The following TTC14 variants were observed in gnomAD, a reference collection of about 807,000 sequenced individuals.
TTC14 encodes the protein tetratricopeptide repeat domain 14, also known as tetratricopeptide repeat protein 14.
In TTC14, 63 loss-of-function variants were observed where a neutral mutation model predicts 79.9. That is an observed-to-expected ratio of 0.79 (90% CI 0.64 to 0.97). The LOEUF is 0.97. Among genes scored for constraint, TTC14 ranks in the 50% least tolerant of loss-of-function variants. The pLI, the probability that TTC14 is intolerant of heterozygous loss-of-function variation, is 0.00. For missense variants in TTC14, 895 were observed against 894.0 expected (o/e 1.00, Z -0.01); for synonymous variants, 335 against 309.6 (o/e 1.08, Z -0.86).
Position 180,617,541 on chromosome 3 carries a change from G to A in TTC14, c.1936G>A (p.Gly646Ser), listed in dbSNP as rs761625606. 1.1e-5 allele frequency: 7 copies of A among 619,244 alleles called. No homozygotes were observed. The South Asian group carries it at 1.3e-4, about 11-fold the overall frequency. The allele number at this position is 619,244 out of a possible 1,614,324, so 38.4% of individuals were successfully genotyped here. A position where few individuals can be genotyped will look rare whatever the true frequency, so the allele number is the denominator to read the frequency against. The change falls in exon 13 of 13, where the codon GGT becomes AGT. Residue 646 changes from glycine (G) to serine (S), a missense_variant. By Grantham distance (56) the Gly-to-Ser change is moderately conservative. Transcript: ENST00000382584. ...ACAAGATATGGAGGTGGAAGACAGT[G>A]GTATTGATGATCCTGACCACGGGTA...
In TTC14 at chr3:180,611,117, T is replaced by A. The variant is rs1407064930; in HGVS notation, c.*575T>A. 1.0e-6 allele frequency: 1 copy of A among 985,114 alleles called. No individual in the cohort carries two copies. The highest frequency in any genetic ancestry group is 1.2e-6 in the Non-Finnish European group (1 of 829,824). The allele number at this position is 985,114 out of a possible 1,614,324, so 61.0% of individuals were successfully genotyped here. A position where few individuals can be genotyped will look rare whatever the true frequency, so the allele number is the denominator to read the frequency against. ...TAAAGCCCAATTTGATTAAAAGTGGTTTGTGAACAGTCATTGGCTTCCACC... is the reference window on the plus strand; with the variant it reads ...TAAAGCCCAATTTGATTAAAAGTGGATTGTGAACAGTCATTGGCTTCCACC... On this transcript the variant is annotated 3_prime_UTR_variant, in exon 12 of 12. Transcript: ENST00000296015.
In TTC14 at chr3:180,603,100, A is replaced by G. The variant is rs894853310; in HGVS notation, c.287-24A>G. ...ACGGAACTCAAAACTATCGTTAGTG[A>G]TTTTGTTAATTTTTTTTTTTTAGAT... is the stretch of plus-strand genomic sequence containing the variant. On this transcript the variant is annotated intron_variant, in intron 2 of 11. Transcript: ENST00000296015. 10 of 1,610,232 alleles carry G rather than the reference A, an allele frequency of 6.2e-6. No individual in the cohort carries two copies. In the African/African-American group the frequency reaches 8.1e-5, roughly 13 times the overall value.
At position 180,610,494 on chromosome 3, in the gene TTC14, T is replaced by C. The variant is rs752149935; in HGVS notation, c.2265T>C (p.Asn755=). 2 of 1,590,098 alleles carry C rather than the reference T, an allele frequency of 1.3e-6. No individual in the cohort carries two copies. The highest frequency in any genetic ancestry group is 4.5e-5 in the East Asian group (2 of 44,752). The change falls in exon 12 of 12, where the codon AAT becomes AAC. Residue 755 remains asparagine, a synonymous_variant. Transcript: ENST00000296015. ...NLPQNLLNIF[N]QIAEFEKEKG... is the part of the protein sequence containing the mutation. ...CTCAGAATTTACTGAATATATTTAA[T>C]CAGATAGCTGAATTTGAAAAAGAAA...
chr3:180,603,520 T>A (rs947775927), intron 3 of TTC14, 197 bp downstream of exon 3: 16 of 570,532 alleles, frequency 2.8e-5, no homozygotes, highest in African/African-American at 2.6e-4. Context: ...GTTTTTGGGA[T>A]TTTTTAAATT....
At chr3:180,615,079 T>C (rs1304933764), downstream of TTC14, 1 of 1,520,144 alleles carries the variant, frequency 6.6e-7, no homozygotes, top group Non-Finnish European at 8.8e-7. Flanking sequence ...CTAGATGACC[T>C]AGAAGAAAAA....
In TTC14 at chr3:180,610,135, A is replaced by C. The variant is rs1354713108; in HGVS notation, c.1906A>C (p.Asn636His). 6.2e-7 allele frequency: 1 copy of C among 1,612,850 alleles called. No individual in the cohort carries two copies. Reference protein sequence around the residue: ...RRNSSDSFCRNSEDKIYGYRR... With the variant: ...RRNSSDSFCRHSEDKIYGYRR... ...AAATTCCTCAGATTCCTTCTGTAGG[A>C]ATTCAGAGGACAAGATTTATGGTTA... is the stretch of plus-strand genomic sequence containing the variant. Residue 636 changes from asparagine to histidine, a missense_variant, in exon 12 of 12, where the codon AAT (asparagine) becomes CAT (histidine). Asn to His is a moderately conservative substitution (Grantham distance 68). Coordinates refer to ENST00000296015, the MANE Select transcript of TTC14 (RefSeq NM_133462.4).
intron 12 of TTC14, chr3:180,616,977 A>C: frequency 8.0e-7 from 1 of 1,244,770 alleles, no homozygotes. Flanking sequence ...CTGTAGAAAA[A>C]ATATTAACAT....
intron 10 of TTC14, chr3:180,608,017 T>C (rs1262537484): frequency 8.4e-7 from 1 of 1,188,954 alleles, no homozygotes; most frequent in Non-Finnish European, 1.0e-6. Flanking sequence ...AATGTCCTTA[T>C]AGGGAGCTCA....
downstream of TTC14, among the ~76,000 whole-genome samples, chr3:180,612,440 C>T (rs960835331): frequency 3.3e-5 from 5 of 152,118 alleles, no homozygotes; most frequent in South Asian, 2.1e-4. Flanking sequence ...CCAGCATTGG[C>T]GTAGGCAGAA....
chr3:180,604,459 TC>T lies in TTC14; in HGVS notation c.572-18del. 1.3e-6 allele frequency: 2 copies of T among 1,569,152 alleles called. No homozygotes were observed. Among genetic ancestry groups the T allele is most frequent in the South Asian group, 1.2e-5 (1 of 83,884 alleles). On this transcript the variant is annotated intron_variant, in intron 4 of 11. Coordinates refer to ENST00000296015, the MANE Select transcript of TTC14 (RefSeq NM_133462.4). ...ATTTTCTTACTAATCAGCTTAGTTC[TC>T]TTTTTTTTTTTCTTAAGCTGGAATC...
intron 3 of TTC14, 43 bp downstream of exon 3, chr3:180,603,366 C>T (rs1485402292): frequency 7.9e-6 from 12 of 1,521,812 alleles, no homozygotes; most frequent in African/African-American, 4.1e-5. Flanking sequence ...TTTTTGTTAA[C>T]GCATCTCAAT....
Position 180,610,633 on chromosome 3 carries a change from GCTT to G in TTC14, c.*94_*96del. On this transcript the variant is annotated 3_prime_UTR_variant, in exon 12 of 12. Coordinates refer to ENST00000296015, the MANE Select transcript of TTC14 (RefSeq NM_133462.4). ...ATAACAGTTGAGTGCAGAAATCTCT[GCTT>G]CTAAAATTATTTGTAGAGATTACAG... The G allele has an allele frequency of 6.7e-7, 1 of 1,482,294 alleles. No homozygotes were observed. Among genetic ancestry groups the G allele is most frequent in the Admixed American group, 2.6e-5 (1 of 39,042 alleles). The allele number at this position is 1,482,294 out of a possible 1,614,324, so 91.8% of individuals were successfully genotyped here. A position where few individuals can be genotyped will look rare whatever the true frequency, so the allele number is the denominator to read the frequency against.
rs1017789462 is a variant in TTC14, at chr3:180,602,900, G to C, written c.171G>C (p.Lys57Asn). 4 of 1,606,664 alleles carry C rather than the reference G, an allele frequency of 2.5e-6. No homozygotes were observed. The highest frequency in any genetic ancestry group is 3.4e-6 in the Non-Finnish European group (4 of 1,178,250). The part of the protein sequence containing the change: ...PQHPLQGRKE[K>N]RVDNIEIQKF... ...TTTTTTTCTTTTTAAGAAAAGAGAA[G>C]AGAGTTGACAACATCGAGATACAGA... The change falls in exon 2 of 12, where the codon AAG (lysine) becomes AAC (asparagine). Residue 57 changes from lysine (K) to asparagine (N), a missense_variant. Physicochemically the swap from Lys to Asn is moderately conservative, Grantham distance 94 (BLOSUM62 0). Transcript: ENST00000296015.
intron 10 of TTC14, chr3:180,608,409 T>A (rs1576922775): frequency 4.0e-6 from 4 of 995,040 alleles, no homozygotes; most frequent in Non-Finnish European, 2.4e-6. Flanking sequence ...TTTTTTTTTT[T>A]AACCTTTCTT....
rs775062421 is a variant in TTC14, at chr3:180,603,307, C to T, written c.470C>T (p.Ala157Val). ...GGAAGTGGTATCATGAGAGATATAG[C>T]CCACTTAGAAATCACAGTAAGTTAT... ...CLGSGIMRDI[A>V]HLEITALCPL... The change falls in exon 3 of 12, where the codon GCC becomes GTC. Residue 157 changes from alanine (A) to valine (V), a missense_variant. Ala to Val is a moderately conservative substitution (Grantham distance 64). Coordinates refer to ENST00000296015, the MANE Select transcript of TTC14 (RefSeq NM_133462.4). The T allele has an allele frequency of 6.2e-7, 1 of 1,613,712 alleles. No homozygotes were observed.
rs746809905 is a variant in TTC14 at position 180,609,732 on chromosome 3, G to T, written c.1503G>T (p.Arg501Ser). ...CCTCTTCCTCTTCTGGTCACAAAAG[G>T]CATAAGAAACATAAGAGGAACCGTT... Reference protein sequence around the residue: ...SSSSSSSGHKRHKKHKRNRSE... With the variant: ...SSSSSSSGHKSHKKHKRNRSE... Residue 501 changes from arginine to serine, a missense_variant, in exon 12 of 12, where the codon AGG becomes AGT. Physicochemically the swap from Arg to Ser is moderately radical, Grantham distance 110. Transcript: ENST00000296015. 3.1e-6 allele frequency: 5 copies of T among 1,613,656 alleles called. No homozygotes were observed. The highest frequency in any genetic ancestry group is 4.2e-6 in the Non-Finnish European group (5 of 1,179,894).
In TTC14 at chr3:180,611,110, A is replaced by AAAG; in HGVS notation, c.*569_*571dup. ...TTTCCTCTAAAGCCCAATTTGATTA[A>AAAG]AAGTGGTTTGTGAACAGTCATTGGC... is the stretch of plus-strand genomic sequence containing the variant. On this transcript the variant is annotated 3_prime_UTR_variant, in exon 12 of 12. Transcript: ENST00000296015. 1 of 985,156 alleles carries AAAG rather than the reference A, an allele frequency of 1.0e-6. No individual in the cohort carries two copies. The highest frequency in any genetic ancestry group is 1.7e-5 in the African/African-American group (1 of 57,322). The allele number at this position is 985,156 out of a possible 1,614,324, so 61.0% of individuals were successfully genotyped here.
downstream of TTC14, among the ~76,000 whole-genome samples, chr3:180,613,307 G>C (rs1003990175): frequency 6.6e-6 from 1 of 152,160 alleles, no homozygotes; most frequent in African/African-American, 2.4e-5. Context: ...ATGACTTTTG[G>C]ATATGAGGAT....
chr3:180,610,616 T>G lies in TTC14; in HGVS notation c.*74T>G, dbSNP rs1716952149. 7.3e-6 allele frequency: 11 copies of G among 1,499,166 alleles called. No homozygotes were observed. The highest frequency in any genetic ancestry group is 9.7e-6 in the Non-Finnish European group (11 of 1,131,066). 92.9% of individuals were successfully genotyped at this position (1,499,166 alleles called of 1,614,324 possible). On this transcript the variant is annotated 3_prime_UTR_variant, in exon 12 of 12. Coordinates refer to ENST00000296015, the MANE Select transcript of TTC14 (RefSeq NM_133462.4). Reference sequence around the variant, plus strand: ...TTTTGGTTGTATTAGTCATAACAGTTGAGTGCAGAAATCTCTGCTTCTAAA... The same window carrying G: ...TTTTGGTTGTATTAGTCATAACAGTGGAGTGCAGAAATCTCTGCTTCTAAA...
Sources: allele counts gnomAD v4.1 joint callset (sites outside exome capture counted in the v4.1 genomes callset), GRCh38; gene constraint gnomAD v4.1.1; transcripts MANE v1.5; gene names NCBI Gene and HGNC (gene_info 2026-07-23, HGNC 2026-07-21).